PDZRN4: variants seen among roughly 807,000 people sequenced by gnomAD.
PDZRN4 encodes PDZ domain-containing RING finger protein 4.
Under a neutral mutation model 99.0 loss-of-function variants are expected in PDZRN4, and 70 were observed. That is an observed-to-expected ratio of 0.71 (90% confidence interval 0.58 to 0.86). The LOEUF (loss-of-function observed/expected upper bound fraction) is 0.86. Among genes scored for constraint, PDZRN4 ranks in the 40% least tolerant of loss-of-function variants. The pLI, the probability that PDZRN4 is intolerant of heterozygous loss-of-function variation, is 0.00. For synonymous variants in PDZRN4, 551 were observed against 501.6 expected (o/e 1.10, Z -1.32); for missense variants, 1,474 against 1,331.2 (o/e 1.11, Z -1.67).
rs917774534 is a variant in PDZRN4, at chr12:41,452,205, G to A, written c.844-54251G>A. On this transcript the variant is annotated intron_variant, in intron 3 of 9. Transcript: ENST00000402685. ...AGCACTTTGGGAGGCTGAGGCAGGC[G>A]AATCACAAGGTCAGGAGATTGAGAC... is the stretch of plus-strand genomic sequence containing the variant. 6.0e-4 allele frequency among the ~76,000 whole-genome samples: 90 copies of A among 150,980 alleles called. 1 individual carries two copies. The highest frequency in any genetic ancestry group is 1.9e-3 in the African/African-American group (77 of 41,126).
chr12:41,421,182 A>G (rs1952486400), intron 3 of PDZRN4, among the ~76,000 whole-genome samples: 1 of 152,076 alleles, frequency 6.6e-6, no homozygotes, highest in Non-Finnish European at 1.5e-5. Flanking sequence ...TATAATTCCT[A>G]ATGTTATTAG....
chr12:41,195,556 A>T (rs1360503524), intron 3 of PDZRN4, among the ~76,000 whole-genome samples: 1 of 152,160 alleles, frequency 6.6e-6, no homozygotes, highest in African/African-American at 2.4e-5. Context: ...AACATTTATA[A>T]ATTAGCCGAC....
chr12:41,372,197 TAAAATAACCAG>T (rs1952047229), intron 3 of PDZRN4, among the ~76,000 whole-genome samples: 1 of 152,208 alleles, frequency 6.6e-6, no homozygotes, highest in East Asian at 1.9e-4. Flanking sequence ...GTACAGATGG[TAAAATAACCAG>T]AAAATTACAG....
At chr12:41,225,957 T>C (rs1383551514) in intron 3 of PDZRN4, among the ~76,000 whole-genome samples, 1 of 152,156 alleles carries the variant, frequency 6.6e-6, no homozygotes, top group Non-Finnish European at 1.5e-5. Context: ...ACTTGAATTT[T>C]TTTTTCCTGC....
At chr12:41,270,311 GGTGT>G (rs376382425) in intron 3 of PDZRN4, among the ~76,000 whole-genome samples, 7,939 of 145,070 alleles carry the variant, frequency 0.055, 232 homozygotes, top group Non-Finnish European at 0.062. Context: ...CTGTGTGTGT[GGTGT>G]GTGTGTGTGT....
chr12:41,503,860 G>A (rs1233082091), intron 3 of PDZRN4, among the ~76,000 whole-genome samples: 1 of 152,116 alleles, frequency 6.6e-6, no homozygotes, highest in Non-Finnish European at 1.5e-5. Context: ...TTCAGATATT[G>A]GATAAAGTTG....
intron 3 of PDZRN4, among the ~76,000 whole-genome samples, chr12:41,370,848 T>A (rs1481770950): frequency 2.0e-5 from 3 of 151,924 alleles, no homozygotes; most frequent in Admixed American, 6.6e-5. Flanking sequence ...TTTCATTGAC[T>A]GTTTATTTTT....
chr12:41,555,789 C>G, intron 7 of PDZRN4, 29 bp downstream of exon 7: 1 of 1,513,406 alleles, frequency 6.6e-7, no homozygotes, highest in Non-Finnish European at 9.2e-7. Context: ...TCCTTTAGTT[C>G]CCCACGATCT....
At chr12:41,191,384 TA>T in intron 1 of PDZRN4, 73 bp from the exon 2 acceptor site, 2 of 767,774 alleles carry the variant, frequency 2.6e-6, no homozygotes, top group Non-Finnish European at 4.4e-6. Flanking sequence ...TTACAGTACA[TA>T]AAAACTTATT....
At chr12:41,526,907 A>G (rs1938577325) in intron 5 of PDZRN4, among the ~76,000 whole-genome samples, 1 of 152,222 alleles carries the variant, frequency 6.6e-6, no homozygotes, top group Non-Finnish European at 1.5e-5. Context: ...CCTTTCAGCT[A>G]TCTGAAAGCC....
chr12:41,244,006 G>A (rs1415053879), intron 3 of PDZRN4, among the ~76,000 whole-genome samples: 3 of 152,138 alleles, frequency 2.0e-5, no homozygotes, highest in East Asian at 1.9e-4. Flanking sequence ...GGCTGGAGGA[G>A]CCTTTATGCC....
At chr12:41,534,012 C>A (rs1448624055) in intron 5 of PDZRN4, among the ~76,000 whole-genome samples, 3 of 152,036 alleles carry the variant, frequency 2.0e-5, no homozygotes, top group Non-Finnish European at 4.4e-5. Context: ...TTGAGTTTAA[C>A]AATTTCAAAA....
At chr12:41,280,926 C>G (rs1246884515) in intron 3 of PDZRN4, among the ~76,000 whole-genome samples, 1 of 152,162 alleles carries the variant, frequency 6.6e-6, no homozygotes, top group Non-Finnish European at 1.5e-5. Flanking sequence ...TAGGAGACAC[C>G]TCCCAGCAGG....
intron 3 of PDZRN4, among the ~76,000 whole-genome samples, chr12:41,213,974 T>A (rs370000393): frequency 1.3e-5 from 2 of 151,938 alleles, no homozygotes; most frequent in African/African-American, 4.8e-5. Context: ...GAGTTAATAT[T>A]TCAAAAAATT....
chr12:41,250,759 G>A (rs1324735135), intron 3 of PDZRN4, among the ~76,000 whole-genome samples: 1 of 152,162 alleles, frequency 6.6e-6, no homozygotes, highest in African/African-American at 2.4e-5. Context: ...TTGACACGGT[G>A]GAGAAAGACT....
In PDZRN4 at chr12:41,363,946, T is replaced by G. The variant is rs140071345; in HGVS notation, c.844-142510T>G. Among the ~76,000 whole-genome samples the G allele has an allele frequency of 1.2e-3, 180 of 152,168 alleles. 1 individual carries two copies. The highest frequency in any genetic ancestry group is 4.2e-3 in the African/African-American group (175 of 41,546). On this transcript the variant is annotated intron_variant, in intron 3 of 9. Coordinates refer to ENST00000402685, the MANE Select transcript of PDZRN4 (RefSeq NM_001164595.2). Reference sequence around the variant, plus strand: ...CAGTTTAAAAAGAAAGAGGAGAGAATAAAGAAAGAAAATAATGGCACTGGG... The same window carrying G: ...CAGTTTAAAAAGAAAGAGGAGAGAAGAAAGAAAGAAAATAATGGCACTGGG...
At chr12:41,437,007 C>T (rs1418859050) in intron 3 of PDZRN4, among the ~76,000 whole-genome samples, 7 of 151,916 alleles carry the variant, frequency 4.6e-5, no homozygotes, top group Non-Finnish European at 8.8e-5. Flanking sequence ...AATCTACATG[C>T]GTTATATGCT....
In PDZRN4 at chr12:41,189,005, G is replaced by T. The variant is rs866752380; in HGVS notation, c.550G>T (p.Glu184Ter). The change falls in exon 1 of 10, where the codon GAG becomes TAG. Residue 184 changes from glutamate to a stop codon, truncating the protein, a stop_gained. Transcript: ENST00000402685. LOFTEE classifies it high-confidence loss of function. The part of the protein sequence containing the change: ...LLAQLWALQG[E>*]VQLTARRYQE... ...GGCGCAGCTCTGGGCGCTGCAGGGC[G>T]AGGTGCAGCTCACGGCGCGCAGGTA... 1 of 1,548,896 alleles carries T rather than the reference G, an allele frequency of 6.5e-7. No homozygotes were observed. Among genetic ancestry groups the T allele is most frequent in the Non-Finnish European group, 8.7e-7 (1 of 1,155,198 alleles).
At chr12:41,448,367 C>G (rs1952747065) in intron 3 of PDZRN4, among the ~76,000 whole-genome samples, 2 of 152,128 alleles carry the variant, frequency 1.3e-5, no homozygotes, top group African/African-American at 4.8e-5. Flanking sequence ...TGGTAAAAGC[C>G]CTAATACCTT....
Sources: allele counts gnomAD v4.1 joint callset (sites outside exome capture counted in the v4.1 genomes callset), GRCh38; gene constraint gnomAD v4.1.1; transcripts MANE v1.5; gene names NCBI Gene and HGNC (gene_info 2026-07-23, HGNC 2026-07-21).